Variants in TRHDE observed in about 807,000 individuals in gnomAD.
TRHDE encodes thyrotropin-releasing hormone-degrading ectoenzyme.
In TRHDE, 72 loss-of-function variants were observed where a neutral mutation model predicts 125.7. The observed-to-expected ratio is 0.57, with a 90% CI of 0.47 to 0.70. The LOEUF (loss-of-function observed/expected upper bound fraction) is 0.70. TRHDE is among the 30% of genes least tolerant of loss of function. The pLI is 0.00. For synonymous variants in TRHDE, 509 were observed against 509.1 expected (o/e 1.00, Z 0.00); for missense variants, 1,110 against 1,327.1 (o/e 0.84, Z 2.54).
At chr12:72,470,264 T>C (rs1876578390) in intron 4 of TRHDE, among the ~76,000 whole-genome samples, 1 of 152,226 alleles carries the variant, frequency 6.6e-6, no homozygotes. Flanking sequence ...GGCAATGATT[T>C]ATTGCATCGC....
intron 2 of TRHDE, among the ~76,000 whole-genome samples, chr12:72,156,752 A>G (rs919368666): frequency 6.6e-6 from 1 of 152,188 alleles, no homozygotes; most frequent in Non-Finnish European, 1.5e-5. Context: ...TGAAGAAACA[A>G]GGGAAACATT....
intron 2 of TRHDE, among the ~76,000 whole-genome samples, chr12:72,213,875 A>G (rs1281425279): frequency 6.6e-6 from 1 of 152,170 alleles, no homozygotes. Flanking sequence ...TGAGCTTTAT[A>G]TAACTAATAC....
chr12:72,318,441 A>G (rs946956302), intron 2 of TRHDE, among the ~76,000 whole-genome samples: 17 of 152,106 alleles, frequency 1.1e-4, no homozygotes, highest in African/African-American at 3.9e-4. Flanking sequence ...TTGCACAGTG[A>G]CCTTGTTTGT....
intron 2 of TRHDE, among the ~76,000 whole-genome samples, chr12:72,176,234 G>T (rs1052486348): frequency 6.6e-6 from 1 of 152,174 alleles, no homozygotes; most frequent in Non-Finnish European, 1.5e-5. Flanking sequence ...AGCTGGGTGT[G>T]GTGGTGCACA....
At chr12:72,629,830 A>G (rs1284308251) in intron 15 of TRHDE, among the ~76,000 whole-genome samples, 1 of 151,378 alleles carries the variant, frequency 6.6e-6, no homozygotes, top group African/African-American at 2.4e-5. Flanking sequence ...AACAACACTA[A>G]TATTTCCTTT....
At chr12:72,161,714 G>C (rs984704720) in intron 2 of TRHDE, among the ~76,000 whole-genome samples, 3 of 152,190 alleles carry the variant, frequency 2.0e-5, no homozygotes, top group African/African-American at 7.2e-5. Context: ...GAAGTATAGG[G>C]AGAGGATTGG....
intron 2 of TRHDE, among the ~76,000 whole-genome samples, chr12:72,174,727 G>T (rs1052822973): frequency 3.9e-5 from 6 of 152,164 alleles, no homozygotes; most frequent in African/African-American, 1.4e-4. Flanking sequence ...CTACATAAAT[G>T]ATCCTATGTC....
intron 2 of TRHDE, among the ~76,000 whole-genome samples, chr12:72,226,089 G>C (rs901430086): frequency 1.3e-5 from 2 of 152,160 alleles, no homozygotes; most frequent in Admixed American, 1.3e-4. Flanking sequence ...TCCACCTTTG[G>C]GTGTGCATAG....
intron 6 of TRHDE, among the ~76,000 whole-genome samples, chr12:72,531,433 A>T (rs972369550): frequency 6.6e-6 from 1 of 151,862 alleles, no homozygotes; most frequent in Non-Finnish European, 1.5e-5. Flanking sequence ...TGAATTTATG[A>T]TGTCTTTTAT....
chr12:72,095,830 G>A (rs1363644530), intron 1 of TRHDE, among the ~76,000 whole-genome samples: 1 of 152,122 alleles, frequency 6.6e-6, no homozygotes, highest in Non-Finnish European at 1.5e-5. Flanking sequence ...ACATTATTCT[G>A]GATGTTTCTG....
upstream of TRHDE, among the ~76,000 whole-genome samples, chr12:72,268,613 G>A (rs1016567647): frequency 6.6e-6 from 1 of 152,068 alleles, no homozygotes; most frequent in Non-Finnish European, 1.5e-5. Flanking sequence ...AAGAGACTGA[G>A]TACCCGAGGA....
chr12:72,267,350 A>G (rs1879091536), intron 2 of TRHDE, among the ~76,000 whole-genome samples: 4 of 152,110 alleles, frequency 2.6e-5, no homozygotes. Flanking sequence ...CTTTCTTGAG[A>G]TACTAATTCT....
At chr12:72,128,883 T>C (rs994291478) in intron 2 of TRHDE, among the ~76,000 whole-genome samples, 1 of 152,104 alleles carries the variant, frequency 6.6e-6, no homozygotes, top group African/African-American at 2.4e-5. Flanking sequence ...AAATAGTGGC[T>C]GAAAAATTTC....
intron 2 of TRHDE, among the ~76,000 whole-genome samples, chr12:72,345,904 T>C (rs1870307908): frequency 6.6e-6 from 1 of 152,162 alleles, no homozygotes; most frequent in Non-Finnish European, 1.5e-5. Flanking sequence ...TCTCAAGCAG[T>C]GTCAGATGTT....
intron 12 of TRHDE, among the ~76,000 whole-genome samples, chr12:72,597,841 A>G (rs1469036809): frequency 6.7e-6 from 1 of 149,260 alleles, no homozygotes; most frequent in Admixed American, 6.7e-5. Flanking sequence ...TTTAAAATAG[A>G]AAGTATATGT....
intron 3 of TRHDE, among the ~76,000 whole-genome samples, chr12:72,418,698 T>G (rs1184803632): frequency 6.6e-6 from 1 of 152,100 alleles, no homozygotes; most frequent in African/African-American, 2.4e-5. Flanking sequence ...TTGCAAACAT[T>G]GTTTCATTAA....
chr12:72,264,322 T>C (rs1592505311), intron 2 of TRHDE: 1 of 152,160 alleles, frequency 6.6e-6, no homozygotes, highest in Non-Finnish European at 1.5e-5. Context: ...GTAAGCTGCA[T>C]ATGAGACTAA....
At position 72,188,433 on chromosome 12, in the gene TRHDE, A is replaced by G. The variant is rs141426598; in HGVS notation, n.279+82681A>G. Among the ~76,000 whole-genome samples, 104 of 152,378 alleles carry G rather than the reference A, an allele frequency of 6.8e-4. 1 individual carries two copies. The East Asian group carries it at 0.016, about 24-fold the overall frequency. Reference sequence around the variant, plus strand: ...TATCTCAGCTATCAAGATCTGTTTCAGACCAAATTATTTATTGCCTACTTT... The same window carrying G: ...TATCTCAGCTATCAAGATCTGTTTCGGACCAAATTATTTATTGCCTACTTT... On this transcript the variant is annotated intron_variant and non_coding_transcript_variant, in intron 2 of 4. Coordinates refer to the TRHDE transcript ENST00000548156.
intron 3 of TRHDE, among the ~76,000 whole-genome samples, chr12:72,435,405 G>A (rs1874693191): frequency 6.6e-6 from 1 of 152,212 alleles, no homozygotes; most frequent in South Asian, 2.1e-4. Flanking sequence ...AGAGCTCCCT[G>A]TGTTGGGGAG....
Sources: gnomAD v4.1 joint callset for allele counts (sites outside exome capture counted in the v4.1 genomes callset) on GRCh38, gnomAD v4.1.1 for gene constraint, MANE v1.5 for transcripts, NCBI Gene and HGNC (gene_info 2026-07-23, HGNC 2026-07-21) for gene names.